Variants in NPAS3 observed in about 807,000 individuals in gnomAD.
NPAS3 encodes the protein neuronal PAS domain protein 3, also known as neuronal PAS domain-containing protein 3.
A neutral mutation model predicts 73.1 loss-of-function variants in NPAS3; 14 were observed. The observed-to-expected ratio is 0.19, with a 90% CI of 0.13 to 0.30. The LOEUF (loss-of-function observed/expected upper bound fraction) is 0.30, where lower values mean the gene tolerates loss of function less well. Among genes scored for constraint, NPAS3 ranks in the 10% least tolerant of loss-of-function variants. The pLI, the probability that NPAS3 is intolerant of heterozygous loss-of-function variation, is 1.00. For synonymous variants in NPAS3, 620 were observed against 541.5 expected (o/e 1.14, Z -2.01); for missense variants, 1,096 against 1,250.0 (o/e 0.88, Z 1.86).
chr14:33,578,376 G>A (rs2056531903), intron 5 of NPAS3: 2 of 363,714 alleles, frequency 5.5e-6, no homozygotes, highest in African/African-American at 2.2e-5. Context: ...TGTATTTTTA[G>A]TAGAGACGGG....
intron 3 of NPAS3, among the ~76,000 whole-genome samples, chr14:33,294,738 G>A (rs2042227209): frequency 6.6e-6 from 1 of 152,180 alleles, no homozygotes; most frequent in Non-Finnish European, 1.5e-5. Flanking sequence ...AATGGTGTCT[G>A]TATTCATTGA....
intron 5 of NPAS3, among the ~76,000 whole-genome samples, chr14:33,665,405 T>A (rs1309853547): frequency 1.3e-5 from 2 of 152,100 alleles, no homozygotes; most frequent in African/African-American, 2.4e-5. Context: ...ACAACAAACC[T>A]GCATGTTCTG....
chr14:33,390,038 G>T, intron 4 of NPAS3, among the ~76,000 whole-genome samples: 2 of 103,004 alleles, frequency 1.9e-5, no homozygotes, highest in Non-Finnish European at 4.0e-5. Flanking sequence ...AGAATGATTT[G>T]TGTTAAAAAA....
chr14:33,690,472 A>G (rs976109233), intron 6 of NPAS3, among the ~76,000 whole-genome samples: 1 of 152,112 alleles, frequency 6.6e-6, no homozygotes, highest in African/African-American at 2.4e-5. Flanking sequence ...AATTCAAGCC[A>G]ATGACCTACA....
upstream of NPAS3, among the ~76,000 whole-genome samples, chr14:32,938,486 T>TGAGAGAGAGAGA (rs369330767): frequency 2.0e-3 from 113 of 55,894 alleles, 1 homozygote; most frequent in Admixed American, 3.8e-3. Flanking sequence ...AGAGAGAAAT[T>TGAGAGAGAGAGA]GAGAGAGAGA....
chr14:33,571,217 T>C (rs4981198), intron 5 of NPAS3, among the ~76,000 whole-genome samples: 15,267 of 152,240 alleles, frequency 0.1, 824 homozygotes, highest in Middle Eastern at 0.2. Context: ...TTGCCGCTGC[T>C]GCTAGTCAGG....
chr14:33,477,984 A>T (rs1323753584), intron 4 of NPAS3, among the ~76,000 whole-genome samples: 1 of 152,140 alleles, frequency 6.6e-6, no homozygotes, highest in African/African-American at 2.4e-5. Context: ...AGCTGAGCCA[A>T]GCTCTCCTGT....
rs555047467 is a variant in NPAS3, at chr14:33,496,173, C to T, written c.469-63948C>T. 3.1e-3 allele frequency among the ~76,000 whole-genome samples: 467 copies of T among 152,124 alleles called. 3 individuals carry two copies. Among genetic ancestry groups the T allele is most frequent in the African/African-American group, 0.011 (447 of 41,514 alleles). On this transcript the variant is annotated intron_variant, in intron 4 of 11. Coordinates refer to ENST00000356141, the Ensembl canonical transcript of NPAS3. ...GAAGAAATCGAATCCCTGAATAGAC[C>T]GATAACAAGTTTTGAAATTGAGGCA...
At chr14:33,602,834 C>T (rs146514926) in intron 5 of NPAS3, among the ~76,000 whole-genome samples, 6 of 152,196 alleles carry the variant, frequency 3.9e-5, no homozygotes, top group South Asian at 2.1e-4. Flanking sequence ...CTGGTCTGAG[C>T]GCTGTTTCAG....
chr14:33,204,504 TCA>T (rs2046748924), intron 2 of NPAS3, among the ~76,000 whole-genome samples: 1 of 152,126 alleles, frequency 6.6e-6, no homozygotes, highest in African/African-American at 2.4e-5. Flanking sequence ...AGAGCGTGGT[TCA>T]GGAAGCACAG....
In NPAS3 at chr14:33,150,306, T is replaced by G. The variant is rs563489843; in HGVS notation, c.141-64876T>G. Among the ~76,000 whole-genome samples, 5 of 152,352 alleles carry G rather than the reference T, an allele frequency of 3.3e-5. No homozygotes were observed. The East Asian group carries it at 7.7e-4, about 24-fold the overall frequency. On this transcript the variant is annotated intron_variant, in intron 2 of 11. Coordinates refer to ENST00000356141, the Ensembl canonical transcript of NPAS3. ...TGAGGTTTAAGAGATTAACTGTCTT[T>G]CAGCACTCATCCTTCATCAAAGTTA... is the stretch of plus-strand genomic sequence containing the variant.
exon 3 of NPAS3, chr14:33,215,402 C>G (rs867293512): frequency 1.9e-6 from 3 of 1,613,932 alleles, no homozygotes; most frequent in Non-Finnish European, 2.5e-6. Context: ...AATGGAAGGC[C>G]CTCCACCTAA....
intron 3 of NPAS3, among the ~76,000 whole-genome samples, chr14:33,311,128 A>G (rs971090891): frequency 2.0e-5 from 3 of 152,116 alleles, no homozygotes; most frequent in Admixed American, 6.6e-5. Flanking sequence ...GGAGTGTCAC[A>G]GAATATTTTT....
chr14:33,191,430 G>C (rs1223500816), intron 2 of NPAS3, among the ~76,000 whole-genome samples: 1 of 152,054 alleles, frequency 6.6e-6, no homozygotes, highest in African/African-American at 2.4e-5. Context: ...ATTATAATTA[G>C]GTGACAGTAT....
At chr14:33,161,499 C>T (rs1212076823) in intron 2 of NPAS3, among the ~76,000 whole-genome samples, 3 of 152,192 alleles carry the variant, frequency 2.0e-5, no homozygotes, top group African/African-American at 7.2e-5. Flanking sequence ...AAGCTATATA[C>T]TTAAGAAAAC....
chr14:33,158,066 A>AT (rs1247091312), intron 2 of NPAS3, among the ~76,000 whole-genome samples: 2 of 150,212 alleles, frequency 1.3e-5, no homozygotes, highest in African/African-American at 2.5e-5. Context: ...AAGGAAAAAA[A>AT]TGTTCTTTAA....
intron 4 of NPAS3, among the ~76,000 whole-genome samples, chr14:33,454,750 C>G (rs1001327869): frequency 3.3e-5 from 5 of 152,152 alleles, no homozygotes; most frequent in African/African-American, 1.2e-4. Context: ...TACCGCTCAA[C>G]TATTACTGAT....
At chr14:33,057,619 T>C (rs1015883243) in intron 2 of NPAS3, among the ~76,000 whole-genome samples, 1 of 152,244 alleles carries the variant, frequency 6.6e-6, no homozygotes, top group African/African-American at 2.4e-5. Flanking sequence ...ATTTGGCGCA[T>C]AGTAAGGCTT....
chr14:32,966,993 A>G (rs1315110), intron 1 of NPAS3, among the ~76,000 whole-genome samples: 48,397 of 151,996 alleles, frequency 0.32, 8,224 homozygotes, highest in African/African-American at 0.4. Flanking sequence ...GAGACAACCT[A>G]CAAAATGGGA....
Sources: allele counts gnomAD v4.1 joint callset (sites outside exome capture counted in the v4.1 genomes callset), GRCh38; gene constraint gnomAD v4.1.1; transcripts MANE v1.5; gene names NCBI Gene and HGNC (gene_info 2026-07-23, HGNC 2026-07-21).